The following MOCOS variants were observed in gnomAD, a reference collection of about 807,000 sequenced individuals.
MOCOS encodes the protein human molybdenum cofactor sulfurase.
A neutral mutation model predicts 83.6 loss-of-function variants in MOCOS; 86 were observed. The observed-to-expected ratio is 1.03, with a 90% confidence interval of 0.86 to 1.23. The LOEUF (loss-of-function observed/expected upper bound fraction) is 1.23. Among genes scored for constraint, MOCOS ranks in the 50% most tolerant of loss-of-function variants. The pLI, the probability that MOCOS is intolerant of heterozygous loss-of-function variation, is 0.00. For synonymous variants in MOCOS, 445 were observed against 434.7 expected (o/e 1.02, Z -0.29); for missense variants, 1,120 against 1,126.9 (o/e 0.99, Z 0.09).
intron 13 of MOCOS, among the ~76,000 whole-genome samples, chr18:36,263,843 C>G (rs2091672228): frequency 6.6e-6 from 1 of 152,144 alleles, no homozygotes; most frequent in Non-Finnish European, 1.5e-5. Context: ...AGAAAAGAAG[C>G]TTTAAAATGA....
At chr18:36,213,667 G>A (rs1001713315) in intron 7 of MOCOS, among the ~76,000 whole-genome samples, 185 bp downstream of exon 7, 2 of 152,218 alleles carry the variant, frequency 1.3e-5, no homozygotes, top group African/African-American at 4.8e-5. Context: ...GGTGGCTCAC[G>A]CCTGTAATCC....
chr18:36,233,855 G>A (rs1183531880), intron 9 of MOCOS, among the ~76,000 whole-genome samples: 2 of 152,166 alleles, frequency 1.3e-5, no homozygotes, highest in Admixed American at 6.5e-5. Context: ...TTCCATTCAT[G>A]TCCTTAGCCC....
At chr18:36,266,702 T>C in intron 13 of MOCOS, 47 bp from the exon 14 acceptor site, 1 of 1,526,246 alleles carries the variant, frequency 6.6e-7, no homozygotes, top group Non-Finnish European at 9.1e-7. Flanking sequence ...GGTGCAAGGC[T>C]CTGGTCACTT....
Position 36,220,174 on chromosome 18 carries a change from C to T in MOCOS, c.1917C>T (p.Pro639=). ...KQEPRLCLIQ[P]FIDLRQRIMV... ...AACCCCGGCTCTGCCTGATCCAGCC[C>T]TTCATCGACTTGCGGCAAAGGATCA... The change falls in exon 9 of 15, where the codon CCC becomes CCT. Residue 639 remains proline (P), a synonymous_variant. Transcript: ENST00000261326. 6.2e-7 allele frequency: 1 copy of T among 1,614,144 alleles called. No individual in the cohort carries two copies. Among genetic ancestry groups the T allele is most frequent in the Non-Finnish European group, 8.5e-7 (1 of 1,180,042 alleles).
intron 4 of MOCOS, among the ~76,000 whole-genome samples, chr18:36,201,005 G>T (rs2091412089): frequency 6.6e-6 from 1 of 152,222 alleles, no homozygotes; most frequent in African/African-American, 2.4e-5. Flanking sequence ...TGTGGGTTAT[G>T]CTCAGGACTC....
At chr18:36,251,570 TA>T (rs2091622143) in intron 11 of MOCOS, among the ~76,000 whole-genome samples, 1 of 152,176 alleles carries the variant, frequency 6.6e-6, no homozygotes, top group Non-Finnish European at 1.5e-5. Context: ...CCAATTGTAT[TA>T]AATAAAAACC....
Position 36,268,802 on chromosome 18 carries a change from G to T in MOCOS, c.*117G>T, listed in dbSNP as rs1307380841. The T allele has an allele frequency of 3.4e-6, 3 of 883,870 alleles. No individual in the cohort carries two copies. The highest frequency in any genetic ancestry group is 5.4e-6 in the Non-Finnish European group (3 of 560,216). The allele number at this position is 883,870 out of a possible 1,614,324, so 54.8% of individuals were successfully genotyped here. ...TAAGGAGAGCTCTTTTTCTTTAGAG[G>T]CAGGGAATGCTCTCACCTGCTTCCT... is the stretch of plus-strand genomic sequence containing the variant. On this transcript the variant is annotated 3_prime_UTR_variant, in exon 15 of 15. Coordinates refer to ENST00000261326, the MANE Select transcript of MOCOS (RefSeq NM_017947.4).
chr18:36,196,932 G>C (rs2091390520), intron 2 of MOCOS, among the ~76,000 whole-genome samples: 1 of 152,144 alleles, frequency 6.6e-6, no homozygotes. Flanking sequence ...CTGCGTTAAT[G>C]AGCACATGTA....
rs139002197 is a variant in MOCOS at position 36,200,273 on chromosome 18, C to A, written c.890C>A (p.Ala297Glu). The change falls in exon 4 of 15, where the codon GCG (alanine) becomes GAG (glutamate). Residue 297 changes from alanine (A) to glutamate (E), a missense_variant. Coordinates refer to ENST00000261326, the MANE Select transcript of MOCOS (RefSeq NM_017947.4). Reference sequence around the variant, plus strand: ...TACTTTGGAGGAGGGACAGCCTCTGCGTACCTAGCAGGAGAAGACTTCTAC... The same window carrying A: ...TACTTTGGAGGAGGGACAGCCTCTGAGTACCTAGCAGGAGAAGACTTCTAC... ...KTYFGGGTAS[A>E]YLAGEDFYIP... 1.2e-5 allele frequency: 20 copies of A among 1,614,074 alleles called. No homozygotes were observed. The Admixed American group carries it at 2.3e-4, about 19-fold the overall frequency.
chr18:36,250,654 AC>A (rs2091618534), intron 10 of MOCOS, among the ~76,000 whole-genome samples: 1 of 152,206 alleles, frequency 6.6e-6, no homozygotes, highest in Non-Finnish European at 1.5e-5. Context: ...TTTTGGATAA[AC>A]AAAATTCTAG....
rs1002473498 is a variant in MOCOS, at chr18:36,248,240, G to A, written c.1961-682G>A. On this transcript the variant is annotated intron_variant, in intron 9 of 14. Transcript: ENST00000261326. ...AAAAAAATTGATTAGCCATTTGCAT[G>A]TCTTCTTTCAAGAAATATCTATTCA... Among the ~76,000 whole-genome samples, 8 of 152,210 alleles carry A rather than the reference G, an allele frequency of 5.3e-5. No homozygotes were observed. In the East Asian group the frequency reaches 9.7e-4, roughly 18 times the overall value.
chr18:36,250,905 T>A (rs1366262765), intron 10 of MOCOS, among the ~76,000 whole-genome samples: 1 of 152,190 alleles, frequency 6.6e-6, no homozygotes, highest in East Asian at 1.9e-4. Flanking sequence ...TCTGTGTCAA[T>A]AATTAATAGT....
intron 9 of MOCOS, among the ~76,000 whole-genome samples, chr18:36,222,605 A>T (rs371661013): frequency 2.6e-4 from 37 of 140,314 alleles, no homozygotes; most frequent in Admixed American, 2.1e-3. Context: ...TAATTTTTTA[A>T]TTTTTTTTTT....
intron 13 of MOCOS, 91 bp from the exon 14 acceptor site, chr18:36,266,658 G>A: frequency 9.4e-7 from 1 of 1,061,312 alleles, no homozygotes; most frequent in South Asian, 1.3e-5. Context: ...CATAGTTAGG[G>A]GACTGGGCAT....
chr18:36,205,067 T>C lies in MOCOS; in HGVS notation c.1019-10T>C, dbSNP rs758581633. 16 of 1,598,968 alleles carry C rather than the reference T, an allele frequency of 1.0e-5. No individual in the cohort carries two copies. The highest frequency in any genetic ancestry group is 1.3e-5 in the African/African-American group (1 of 74,076). ...CTCATGATTCTCTTGTGTTTCATGA[T>C]TGATTTGAGGTGGAATGGAGAATAT... On this transcript the variant is annotated splice_polypyrimidine_tract_variant and intron_variant, in intron 5 of 14. Coordinates refer to ENST00000261326, the MANE Select transcript of MOCOS (RefSeq NM_017947.4).
rs2144147591 is a variant in MOCOS at position 36,256,989 on chromosome 18, C to T, written c.2186C>T (p.Ala729Val). The T allele has an allele frequency of 1.2e-6, 2 of 1,614,098 alleles. No homozygotes were observed. Among genetic ancestry groups the T allele is most frequent in the Middle Eastern group, 3.3e-4 (2 of 6,060 alleles). Residue 729 changes from alanine (A) to valine (V), a missense_variant, in exon 12 of 15, where the codon GCC becomes GTC. By Grantham distance (64) the Ala-to-Val change is moderately conservative. Transcript: ENST00000261326. Reference protein sequence around the residue: ...HGKDQLPGTMATLSLVNEAQY... With the variant: ...HGKDQLPGTMVTLSLVNEAQY... The stretch of plus-strand genomic sequence containing the variant: ...TCAGATCAACTTCCTGGTACAATGG[C>T]CACCCTTTCTCTGGTGAATGAGGCA...
At chr18:36,211,037 G>A (rs2144911942) in intron 6 of MOCOS, among the ~76,000 whole-genome samples, 1 of 151,924 alleles carries the variant, frequency 6.6e-6, no homozygotes, top group Middle Eastern at 3.4e-3. Flanking sequence ...CTGTGCCTTG[G>A]TAGAGGAAGC....
chr18:36,253,370 TAAAAG>T (rs2091628996), intron 11 of MOCOS, among the ~76,000 whole-genome samples: 1 of 151,850 alleles, frequency 6.6e-6, no homozygotes, highest in Non-Finnish European at 1.5e-5. Context: ...AGCTGCAACT[TAAAAG>T]GAGAGTAGGA....
At position 36,268,786 on chromosome 18, in the gene MOCOS, C is replaced by A. The variant is rs1458480399; in HGVS notation, c.*101C>A. 5 of 1,033,562 alleles carry A rather than the reference C, an allele frequency of 4.8e-6. No individual in the cohort carries two copies. Among genetic ancestry groups the A allele is most frequent in the South Asian group, 1.4e-5 (1 of 74,052 alleles). 64.0% of individuals were successfully genotyped at this position (1,033,562 alleles called of 1,614,324 possible). A position where few individuals can be genotyped will look rare whatever the true frequency, so the allele number is the denominator to read the frequency against. On this transcript the variant is annotated 3_prime_UTR_variant, in exon 15 of 15. Coordinates refer to ENST00000261326, the MANE Select transcript of MOCOS (RefSeq NM_017947.4). ...AACTTGATGTTTTGAATAAGGAGAG[C>A]TCTTTTTCTTTAGAGGCAGGGAATG...
Sources: gnomAD v4.1 joint callset for allele counts (sites outside exome capture counted in the v4.1 genomes callset) on GRCh38, gnomAD v4.1.1 for gene constraint, MANE v1.5 for transcripts, NCBI Gene and HGNC (gene_info 2026-07-23, HGNC 2026-07-21) for gene names.